PIEZO2: variants seen among roughly 807,000 people sequenced by gnomAD.
PIEZO2 encodes the protein piezo-type mechanosensitive ion channel component 2.
Under a neutral mutation model 337.3 loss-of-function variants are expected in PIEZO2, and 172 were observed. The ratio of observed to expected loss-of-function variants is 0.51; its 90% CI spans 0.45 to 0.58. The LOEUF is 0.58. PIEZO2 is among the 20% of genes least tolerant of loss of function. The pLI is 0.00. For missense variants in PIEZO2, 3,028 were observed against 3,391.3 expected, an observed-to-expected ratio of 0.89 and a Z score of 2.66; for synonymous variants, 1,251 against 1,228.5, an observed-to-expected ratio of 1.02 and a Z score of -0.38.
chr18:10,998,497 C>T (rs138854624), intron 2 of PIEZO2, among the ~76,000 whole-genome samples: 121 of 152,158 alleles, frequency 8.0e-4, no homozygotes, highest in East Asian at 2.9e-3. Context: ...ATGTTGCCCA[C>T]GTGTTTTAAC....
Position 10,807,083 on chromosome 18 carries a change from C to G in PIEZO2, c.1080+29G>C, listed in dbSNP as rs558370783. 21 of 1,522,572 alleles carry G rather than the reference C, an allele frequency of 1.4e-5. 1 individual carries two copies. In the South Asian group the frequency reaches 2.4e-4, roughly 17 times the overall value. The allele number at this position is 1,522,572 out of a possible 1,614,324, so 94.3% of individuals were successfully genotyped here. A position where few individuals can be genotyped will look rare whatever the true frequency, so the allele number is the denominator to read the frequency against. ...TGGAGATTCTAGGTTACTTTGCAGA[C>G]AAGATCATGAAAATGTTTTTGTCCT... is the stretch of plus-strand genomic sequence containing the variant. On this transcript the variant is annotated intron_variant, in intron 8 of 55. Coordinates refer to ENST00000674853, the MANE Select transcript of PIEZO2 (RefSeq NM_001378183.1).
intron 7 of PIEZO2, among the ~76,000 whole-genome samples, chr18:10,851,821 C>G (rs922064454): frequency 2.6e-5 from 4 of 151,932 alleles, no homozygotes; most frequent in African/African-American, 9.7e-5. Context: ...TGACAAAGAG[C>G]ATATGGTTCT....
chr18:11,148,618 G>GGA lies in PIEZO2; in HGVS notation c.-31_-30insTC, dbSNP rs140831475. 2.1e-3 allele frequency: 3,222 copies of GGA among 1,536,518 alleles called. 54 individuals carry two copies. In the African/African-American group the frequency reaches 0.036, roughly 17 times the overall value. ...TCGGTCCGGCGAGTCGGAGCAGAGGGGCGAGGCTCGAGGGTCCCTAGGGGT... is the reference window on the plus strand; with the variant it reads ...TCGGTCCGGCGAGTCGGAGCAGAGGGGAGCGAGGCTCGAGGGTCCCTAGGGGT... On this transcript the variant is annotated 5_prime_UTR_variant, in exon 1 of 56. Transcript: ENST00000674853. This position sits in a 1 kb window ranked among gnomAD's most constrained non-coding sequence, Gnocchi z 5.2.
chr18:10,948,176 G>A (rs1034956833), intron 3 of PIEZO2, among the ~76,000 whole-genome samples: 1 of 151,886 alleles, frequency 6.6e-6, no homozygotes, highest in Non-Finnish European at 1.5e-5. Context: ...TAATCTGCAT[G>A]TCTTAAAAAT....
chr18:11,037,238 A>G (rs1462657621), intron 2 of PIEZO2, among the ~76,000 whole-genome samples: 1 of 152,222 alleles, frequency 6.6e-6, no homozygotes, highest in Admixed American at 6.5e-5. Flanking sequence ...ACAGTATGGA[A>G]TTCGTTTTGC....
rs1189848 is a variant in PIEZO2, at chr18:10,828,324, T to C, written c.918-21050A>G. On this transcript the variant is annotated intron_variant, in intron 7 of 55. Coordinates refer to ENST00000674853, the MANE Select transcript of PIEZO2 (RefSeq NM_001378183.1). This position sits in a 1 kb window ranked among gnomAD's most constrained non-coding sequence, Gnocchi z 4.1. ...GTCCAACAATTTAAAGTTATTAAAA[T>C]TGGATGCCCACTAACTAACCTGGAC... Among the ~76,000 whole-genome samples, 25,524 of 152,056 alleles carry C rather than the reference T, an allele frequency of 0.17. 2,553 individuals carry two copies. Among genetic ancestry groups the C allele is most frequent in the African/African-American group, 0.28 (11,722 of 41,434 alleles).
intron 18 of PIEZO2, 101 bp from the exon 19 acceptor site, chr18:10,774,139 A>G (rs759355155): frequency 5.9e-6 from 4 of 683,492 alleles, no homozygotes; most frequent in Non-Finnish European, 1.1e-5. Flanking sequence ...ATCATCCACT[A>G]TTGCATTCCT....
chr18:11,113,107 G>C (rs1568384492), intron 1 of PIEZO2, among the ~76,000 whole-genome samples: 1 of 152,168 alleles, frequency 6.6e-6, no homozygotes, highest in Non-Finnish European at 1.5e-5. Flanking sequence ...GGGCAATGTT[G>C]AACTTGACCT....
At chr18:10,758,661 C>T (rs1212995358) in intron 26 of PIEZO2, among the ~76,000 whole-genome samples, 1 of 152,140 alleles carries the variant, frequency 6.6e-6, no homozygotes, top group African/African-American at 2.4e-5. Flanking sequence ...AGCAATTTCC[C>T]CATCTTTATC....
At position 10,714,780 on chromosome 18, in the gene PIEZO2, G is replaced by A. The variant is rs1484817694; in HGVS notation, c.5407C>T (p.His1803Tyr). The A allele has an allele frequency of 1.3e-6, 2 of 1,537,068 alleles. No homozygotes were observed. Among genetic ancestry groups the A allele is most frequent in the South Asian group, 1.2e-5 (1 of 84,034 alleles). The change falls in exon 39 of 56, where the codon CAT (histidine) becomes TAT (tyrosine). Residue 1803 changes from histidine (H) to tyrosine (Y), a missense_variant. By Grantham distance (83) the His-to-Tyr change is moderately conservative. This residue lies in a region of PIEZO2 where 1,925 missense variants were observed against 2,051.9 expected (regional missense o/e 0.94). Coordinates refer to ENST00000674853, the MANE Select transcript of PIEZO2 (RefSeq NM_001378183.1). ...GTGAAATACCTGGAGATACTGTCAT[G>A]TGAATCTAAACTATCCATCCTGTGG... ...TAHRMDSLDS[H>Y]DSISSCYTEA...
chr18:11,075,882 A>G (rs534156694), intron 1 of PIEZO2, among the ~76,000 whole-genome samples: 5 of 144,440 alleles, frequency 3.5e-5, no homozygotes, highest in Middle Eastern at 3.9e-3. Flanking sequence ...TCTGCCTCCC[A>G]GGTTCATGCC....
rs950766260 is a variant in PIEZO2, at chr18:11,148,724, G to A, written c.-136C>T. The A allele has an allele frequency of 8.9e-6, 8 of 899,830 alleles. No individual in the cohort carries two copies. The African/African-American group carries it at 1.4e-4, about 15-fold the overall frequency. 55.7% of individuals were successfully genotyped at this position (899,830 alleles called of 1,614,324 possible). A position where few individuals can be genotyped will look rare whatever the true frequency, so the allele number is the denominator to read the frequency against. On this transcript the variant is annotated 5_prime_UTR_variant, in exon 1 of 56. Transcript: ENST00000674853. The surrounding 1 kb of genome is among the most constrained non-coding windows in gnomAD (Gnocchi z 5.2). The stretch of plus-strand genomic sequence containing the variant: ...CCACCCGAGCATCGCCTCGGCGCGG[G>A]CCGCGACGCTCTCCGCCCCGAGGGC...
rs1349559753 is a variant in PIEZO2 at position 10,673,108 on chromosome 18, C to T, written c.8162-235G>A. Among the ~76,000 whole-genome samples the T allele has an allele frequency of 1.3e-5, 2 of 152,136 alleles. No individual in the cohort carries two copies. Among genetic ancestry groups the T allele is most frequent in the East Asian group, 3.9e-4 (2 of 5,194 alleles). ...AGCCGCTGTTGCTACATGGGCATGG[C>T]AGCAAAACCACAGGGCAAAAGTAGA... On this transcript the variant is annotated intron_variant, in intron 54 of 55. Coordinates refer to ENST00000674853, the MANE Select transcript of PIEZO2 (RefSeq NM_001378183.1). This position sits in a 1 kb window ranked among gnomAD's most constrained non-coding sequence, Gnocchi z 4.8.
At chr18:11,074,272 C>A (rs2038450100) in intron 1 of PIEZO2, among the ~76,000 whole-genome samples, 2 of 152,202 alleles carry the variant, frequency 1.3e-5, no homozygotes. Context: ...GATACCCCAC[C>A]TTTCTTGGTG....
chr18:10,968,395 A>T (rs555823713), intron 3 of PIEZO2, among the ~76,000 whole-genome samples: 29 of 152,034 alleles, frequency 1.9e-4, no homozygotes, highest in Admixed American at 1.8e-3. Context: ...ATGCCTCCAG[A>T]TTTGTTCTTT....
chr18:10,744,627 A>T (rs1464625161), intron 30 of PIEZO2, among the ~76,000 whole-genome samples: 6 of 152,206 alleles, frequency 3.9e-5, no homozygotes, highest in Admixed American at 3.9e-4. Context: ...GTACAGTCAG[A>T]TTCATTTTCT....
chr18:10,780,347 G>A lies in PIEZO2; in HGVS notation c.2512C>T (p.Arg838Cys), dbSNP rs907548476. Residue 838 changes from arginine to cysteine, a missense_variant, in exon 18 of 56, where the codon CGC becomes TGC. Around this residue, in one of 5 missense-constraint regions of PIEZO2, gnomAD observed 1,925 missense variants for 2,051.9 expected, o/e 0.94. Transcript: ENST00000674853. ...TIYSHAKVNG[R>C]VYLIINSIKK... ...CACCTATTTATTATTAGATATACGC[G>A]ACCATTGACTTTGGCATGGCTACGA... 34 of 702,758 alleles carry A rather than the reference G, an allele frequency of 4.8e-5. No individual in the cohort carries two copies. Among genetic ancestry groups the A allele is most frequent in the Non-Finnish European group, 8.1e-5 (31 of 384,964 alleles). 43.5% of individuals were successfully genotyped at this position (702,758 alleles called of 1,614,324 possible).
intron 3 of PIEZO2, among the ~76,000 whole-genome samples, chr18:10,921,173 T>C (rs1261721324): frequency 6.6e-6 from 1 of 152,078 alleles, no homozygotes; most frequent in Non-Finnish European, 1.5e-5. Flanking sequence ...TTGGAGAAGA[T>C]GGTGATGTGT....
intron 2 of PIEZO2, among the ~76,000 whole-genome samples, chr18:11,012,795 A>G (rs9962894): frequency 7.2e-5 from 11 of 152,202 alleles, no homozygotes; most frequent in African/African-American, 2.2e-4. Context: ...TGTAATTCCA[A>G]TACTTTGGGA....
Sources: allele counts gnomAD v4.1 joint callset (sites outside exome capture counted in the v4.1 genomes callset), GRCh38; gene constraint gnomAD v4.1.1; regional missense constraint gnomAD v4.1.1; non-coding constraint Gnocchi (gnomAD v3.1); transcripts MANE v1.5; gene names NCBI Gene and HGNC (gene_info 2026-07-23, HGNC 2026-07-21).